Variants in DPP10 observed in about 807,000 individuals in gnomAD.
DPP10 encodes the protein dipeptidyl peptidase like 10, also known as inactive dipeptidyl peptidase 10.
DPP10 carries 33 observed loss-of-function variants against 120.9 expected under a neutral mutation model. The observed-to-expected ratio is 0.27, with a 90% CI of 0.21 to 0.37. The LOEUF is 0.37. Among genes scored for constraint, DPP10 ranks in the 10% least tolerant of loss-of-function variants. DPP10 has a pLI of 1.00. For missense variants in DPP10, 816 were observed against 942.8 expected, an observed-to-expected ratio of 0.87 and a Z score of 1.76; for synonymous variants, 337 against 326.1, an observed-to-expected ratio of 1.03 and a Z score of -0.36.
chr2:115,079,619 A>G (rs1708100473), intron 1 of DPP10, among the ~76,000 whole-genome samples: 1 of 152,138 alleles, frequency 6.6e-6, no homozygotes, highest in Non-Finnish European at 1.5e-5. Flanking sequence ...CTGGAGAAGC[A>G]GCCCATGGGA....
intron 1 of DPP10, among the ~76,000 whole-genome samples, chr2:114,534,415 C>T (rs34557395): frequency 0.054 from 8,253 of 151,976 alleles, 282 homozygotes; most frequent in South Asian, 0.094. Flanking sequence ...ATGAACTACT[C>T]AGAGGTTTAT....
chr2:115,766,286 ATGTG>A (rs34673352), intron 12 of DPP10, among the ~76,000 whole-genome samples: 1,007 of 70,250 alleles, frequency 0.014, 18 homozygotes, highest in African/African-American at 0.034. Flanking sequence ...CATTATATAT[ATGTG>A]TGTGTGTGTG....
chr2:115,449,998 G>C (rs562469234), intron 3 of DPP10, among the ~76,000 whole-genome samples: 1 of 152,106 alleles, frequency 6.6e-6, no homozygotes, highest in East Asian at 1.9e-4. Context: ...TTCATCAGCA[G>C]AACAAAGGCA....
chr2:114,777,407 C>T (rs1574162881), intron 1 of DPP10, among the ~76,000 whole-genome samples: 2 of 150,682 alleles, frequency 1.3e-5, no homozygotes, highest in East Asian at 3.9e-4. Context: ...TTTCAGGGCC[C>T]TTTTTTGAGT....
chr2:114,974,520 C>T (rs774865652), intron 1 of DPP10, among the ~76,000 whole-genome samples: 6 of 150,678 alleles, frequency 4.0e-5, no homozygotes, highest in Non-Finnish European at 7.4e-5. Context: ...TGGGTTCAAG[C>T]GATTTTCCTG....
At chr2:115,377,213 G>A (rs2065881009) in intron 3 of DPP10, among the ~76,000 whole-genome samples, 2 of 151,604 alleles carry the variant, frequency 1.3e-5, no homozygotes, top group Non-Finnish European at 3.0e-5. Flanking sequence ...TCCAGCACCT[G>A]TTGTTTCCTG....
At chr2:115,790,399 G>A (rs866328878) in intron 17 of DPP10, among the ~76,000 whole-genome samples, 10 of 152,290 alleles carry the variant, frequency 6.6e-5, no homozygotes, top group Middle Eastern at 3.4e-3. Context: ...TTTTTGTGAT[G>A]TAAAGTCTCT....
chr2:115,254,893 C>T lies in DPP10; in HGVS notation c.61-54346C>T, dbSNP rs184147430. Among the ~76,000 whole-genome samples, 32 of 152,306 alleles carry T rather than the reference C, an allele frequency of 2.1e-4. No homozygotes were observed. The East Asian group carries it at 5.2e-3, about 25-fold the overall frequency. On this transcript the variant is annotated intron_variant, in intron 1 of 25. Transcript: ENST00000410059. ...TGTGGCTTTTCGGGGTACAGGTGCTCTTCCGGCTGCTTTCATGGGCTGGCG... is the reference window on the plus strand; with the variant it reads ...TGTGGCTTTTCGGGGTACAGGTGCTTTTCCGGCTGCTTTCATGGGCTGGCG...
chr2:114,784,236 C>G (rs1437034047), intron 1 of DPP10, among the ~76,000 whole-genome samples: 1 of 152,130 alleles, frequency 6.6e-6, no homozygotes, highest in East Asian at 1.9e-4. Context: ...ACTCCCTCAG[C>G]TATCACTCAC....
At chr2:115,055,791 A>C (rs1477197918) in intron 1 of DPP10, among the ~76,000 whole-genome samples, 2 of 152,220 alleles carry the variant, frequency 1.3e-5, no homozygotes, top group African/African-American at 2.4e-5. Context: ...TTTGCTCACA[A>C]TTTTGTAATT....
At chr2:115,689,130 G>T (rs2091171057) in intron 5 of DPP10, among the ~76,000 whole-genome samples, 1 of 152,170 alleles carries the variant, frequency 6.6e-6, no homozygotes, top group South Asian at 2.1e-4. Context: ...TGTCCTAAGA[G>T]TCATGCAGGA....
At chr2:114,569,396 C>A (rs1163800159) in intron 1 of DPP10, among the ~76,000 whole-genome samples, 1 of 152,176 alleles carries the variant, frequency 6.6e-6, no homozygotes, top group Non-Finnish European at 1.5e-5. Flanking sequence ...ACTTTGCTTT[C>A]CACAGCCTCA....
chr2:115,177,159 A>G (rs577988192), intron 1 of DPP10, among the ~76,000 whole-genome samples: 1 of 152,248 alleles, frequency 6.6e-6, no homozygotes, highest in East Asian at 1.9e-4. Flanking sequence ...CCACTTTTTT[A>G]TTAGTGAAGA....
At chr2:115,587,790 A>G (rs1343046172) in intron 5 of DPP10, among the ~76,000 whole-genome samples, 2 of 152,206 alleles carry the variant, frequency 1.3e-5, no homozygotes, top group Non-Finnish European at 2.9e-5. Context: ...GTTTGATCAC[A>G]TGTTGTGTCC....
At chr2:114,669,897 C>T (rs1285022549) in intron 1 of DPP10, among the ~76,000 whole-genome samples, 1 of 152,044 alleles carries the variant, frequency 6.6e-6, no homozygotes, top group East Asian at 1.9e-4. Flanking sequence ...TATTTTTATG[C>T]AGCCAAAAGA....
At chr2:114,608,228 A>G (rs997325118) in intron 1 of DPP10, among the ~76,000 whole-genome samples, 1 of 142,456 alleles carries the variant, frequency 7.0e-6, no homozygotes, top group Admixed American at 7.3e-5. Flanking sequence ...ATAAGAGACT[A>G]ACAGAAGATA....
chr2:115,805,650 C>T (rs1415793603), intron 19 of DPP10, among the ~76,000 whole-genome samples: 1 of 151,386 alleles, frequency 6.6e-6, no homozygotes, highest in Non-Finnish European at 1.5e-5. Context: ...TCTTGGCTCA[C>T]TGCAACCTCT....
intron 1 of DPP10, among the ~76,000 whole-genome samples, chr2:114,578,645 C>T (rs1690249395): frequency 6.6e-6 from 1 of 152,196 alleles, no homozygotes; most frequent in South Asian, 2.1e-4. Context: ...AATCAGCACA[C>T]TGACTGCAAA....
chr2:115,335,931 G>A (rs1328297769), intron 2 of DPP10, among the ~76,000 whole-genome samples: 1 of 152,002 alleles, frequency 6.6e-6, no homozygotes, highest in Non-Finnish European at 1.5e-5. Context: ...TGTTCTTCTT[G>A]TGGGAAATTT....
Sources: gnomAD v4.1 joint callset for allele counts (sites outside exome capture counted in the v4.1 genomes callset) on GRCh38, gnomAD v4.1.1 for gene constraint, MANE v1.5 for transcripts, NCBI Gene and HGNC (gene_info 2026-07-23, HGNC 2026-07-21) for gene names.